RASGRP3: variants seen among roughly 807,000 people sequenced by gnomAD.
RASGRP3 encodes ras guanyl-releasing protein 3.
In RASGRP3, 54 loss-of-function variants were observed where a neutral mutation model predicts 82.7. The ratio of observed to expected loss-of-function variants is 0.65; its 90% confidence interval spans 0.52 to 0.82. The LOEUF (loss-of-function observed/expected upper bound fraction) is 0.82, where lower values mean the gene tolerates loss of function less well. RASGRP3 is among the 40% of genes least tolerant of loss of function. RASGRP3 has a pLI of 0.00. For missense variants in RASGRP3, 861 were observed against 828.9 expected, an observed-to-expected ratio of 1.04 and a Z score of -0.48; for synonymous variants, 309 against 300.5, an observed-to-expected ratio of 1.03 and a Z score of -0.29.
intron 1 of RASGRP3, among the ~76,000 whole-genome samples, chr2:33,489,370 C>T (rs751930276): frequency 2.6e-5 from 4 of 152,094 alleles, no homozygotes; most frequent in African/African-American, 9.7e-5. Context: ...GCTGCATCGG[C>T]GTCAGGGTGG....
intron 10 of RASGRP3, among the ~76,000 whole-genome samples, chr2:33,528,876 A>T (rs750831204): frequency 2.6e-5 from 4 of 152,166 alleles, no homozygotes; most frequent in Non-Finnish European, 5.9e-5. Flanking sequence ...TAATCCAAGC[A>T]CCTGCATTTA....
chr2:33,471,341 ATTTTTTTTTTTTTTTTT>A (rs70940204), intron 2 of RASGRP3, among the ~76,000 whole-genome samples: 1 of 106,790 alleles, frequency 9.4e-6, no homozygotes, highest in Non-Finnish European at 1.8e-5. Flanking sequence ...ACACTGGGCT[ATTTTTTTTTTTTTTTTT>A]TTTTGTAGAG....
chr2:33,527,082 G>A (rs1558487684), intron 9 of RASGRP3, 55 bp from the exon 10 acceptor site: 1 of 1,583,308 alleles, frequency 6.3e-7, no homozygotes, highest in Non-Finnish European at 8.6e-7. Context: ...GCAGGGCCCG[G>A]GGGTGTGCAG....
At chr2:33,504,353 C>G (rs1383899526) in intron 1 of RASGRP3, among the ~76,000 whole-genome samples, 2 of 152,104 alleles carry the variant, frequency 1.3e-5, no homozygotes, top group Non-Finnish European at 2.9e-5. Context: ...ACTTAATGGA[C>G]TCATTGGTTT....
chr2:33,466,250 C>A (rs1666687944), intron 2 of RASGRP3, among the ~76,000 whole-genome samples: 1 of 152,192 alleles, frequency 6.6e-6, no homozygotes, highest in Non-Finnish European at 1.5e-5. Flanking sequence ...TGAAATCCTT[C>A]TGGAAAGGAT....
intron 1 of RASGRP3, among the ~76,000 whole-genome samples, chr2:33,479,094 G>T (rs920376879): frequency 6.6e-6 from 1 of 152,158 alleles, no homozygotes; most frequent in Non-Finnish European, 1.5e-5. Flanking sequence ...ACATTTAAAT[G>T]TAAAAACTCA....
intron 13 of RASGRP3, among the ~76,000 whole-genome samples, chr2:33,549,353 T>C (rs1356485074): frequency 6.6e-6 from 1 of 152,052 alleles, no homozygotes; most frequent in Non-Finnish European, 1.5e-5. Flanking sequence ...TGTGCTTACA[T>C]GAATATGCTC....
intron 2 of RASGRP3, among the ~76,000 whole-genome samples, chr2:33,453,240 C>T (rs192196472): frequency 1.3e-4 from 20 of 152,272 alleles, no homozygotes; most frequent in African/African-American, 3.4e-4. Context: ...CAGCTGAAGA[C>T]GGGCTTAACA....
At chr2:33,473,348 A>G (rs530439518), upstream of RASGRP3, among the ~76,000 whole-genome samples, 36 of 151,834 alleles carry the variant, frequency 2.4e-4, no homozygotes, top group African/African-American at 8.7e-4. Flanking sequence ...GCGCCACCAC[A>G]CTCCAGCCTG....
chr2:33,472,134 A>G (rs1667091463), upstream of RASGRP3, among the ~76,000 whole-genome samples: 1 of 152,072 alleles, frequency 6.6e-6, no homozygotes, highest in African/African-American at 2.4e-5. Context: ...TTAATTATTC[A>G]TTTATTCATC....
intron 15 of RASGRP3, among the ~76,000 whole-genome samples, chr2:33,555,788 C>T (rs1043111755): frequency 3.3e-5 from 5 of 152,172 alleles, no homozygotes; most frequent in African/African-American, 9.7e-5. Flanking sequence ...TATCAACACA[C>T]ATAAATCTAG....
At chr2:33,509,715 C>T (rs2150997920) in intron 1 of RASGRP3, among the ~76,000 whole-genome samples, 1 of 152,254 alleles carries the variant, frequency 6.6e-6, no homozygotes, top group Admixed American at 6.5e-5. Flanking sequence ...TAATTCTTTG[C>T]TAGACTATAG....
chr2:33,439,872 G>A (rs531792377), intron 1 of RASGRP3, among the ~76,000 whole-genome samples: 69 of 152,296 alleles, frequency 4.5e-4, no homozygotes, highest in African/African-American at 1.6e-3. Context: ...AAGATCTGCC[G>A]GTTGGAGGCA....
rs200544141 is a variant in RASGRP3, at chr2:33,555,898, AC to A, written c.1579+333del. Reference sequence around the variant, plus strand: ...AGAACTTCTTCCTTCAAAGAAAAACACCTACACACTATTTCTCTAATGCACA... The same window carrying A: ...AGAACTTCTTCCTTCAAAGAAAAACACTACACACTATTTCTCTAATGCACA... On this transcript the variant is annotated intron_variant, in intron 15 of 17. Transcript: ENST00000403687. 1.6e-3 allele frequency among the ~76,000 whole-genome samples: 244 copies of A among 152,322 alleles called. 3 individuals are homozygous for A. In the East Asian group the frequency reaches 0.035, roughly 22 times the overall value.
At chr2:33,528,502 CT>C (rs1207064713) in intron 10 of RASGRP3, among the ~76,000 whole-genome samples, 1 of 152,182 alleles carries the variant, frequency 6.6e-6, no homozygotes, top group Non-Finnish European at 1.5e-5. Context: ...TGCAACTTCC[CT>C]GTTTGGGTTT....
intron 1 of RASGRP3, among the ~76,000 whole-genome samples, chr2:33,478,730 G>C (rs1420034138): frequency 6.6e-6 from 1 of 152,216 alleles, no homozygotes; most frequent in African/African-American, 2.4e-5. Context: ...TCGTATCAAA[G>C]ATGAGGAAAC....
chr2:33,437,665 C>T (rs1430399439), intron 1 of RASGRP3, among the ~76,000 whole-genome samples: 1 of 152,234 alleles, frequency 6.6e-6, no homozygotes, highest in Admixed American at 6.5e-5. Context: ...GAGGCCAGGA[C>T]TCGGCTCAGG....
upstream of RASGRP3, among the ~76,000 whole-genome samples, chr2:33,473,259 T>TA (rs1184344356): frequency 6.6e-6 from 1 of 152,068 alleles, no homozygotes; most frequent in Admixed American, 6.5e-5. Flanking sequence ...GGCGGGTGCC[T>TA]ATAGTCCCAG....
chr2:33,458,985 T>C (rs1666198652), intron 2 of RASGRP3, among the ~76,000 whole-genome samples: 1 of 152,182 alleles, frequency 6.6e-6, no homozygotes, highest in African/African-American at 2.4e-5. Flanking sequence ...TTAAGATATA[T>C]TTTTTAAAAA....
Sources: gnomAD v4.1 joint callset for allele counts (sites outside exome capture counted in the v4.1 genomes callset) on GRCh38, gnomAD v4.1.1 for gene constraint, MANE v1.5 for transcripts, NCBI Gene and HGNC (gene_info 2026-07-23, HGNC 2026-07-21) for gene names.